Variants in PPFIBP2 observed in about 807,000 individuals in gnomAD.
PPFIBP2 encodes the protein PPFIB scaffold protein 2.
In PPFIBP2, 118 loss-of-function variants were observed where a neutral mutation model predicts 118.3. The observed-to-expected ratio is 1.00, with a 90% CI of 0.86 to 1.16. The LOEUF is 1.16. Ranked by LOEUF, PPFIBP2 falls within the 50% of genes most tolerant of loss-of-function variation. PPFIBP2 has a pLI of 0.00. For missense variants in PPFIBP2, 1,195 were observed against 1,073.1 expected (o/e 1.11, Z -1.59); for synonymous variants, 414 against 397.4 (o/e 1.04, Z -0.50).
At chr11:7,629,187 AC>A (rs1219671076) in intron 9 of PPFIBP2, among the ~76,000 whole-genome samples, 4 of 152,118 alleles carry the variant, frequency 2.6e-5, no homozygotes, top group African/African-American at 7.2e-5. Flanking sequence ...AGGTAGGGAG[AC>A]AGTGAGTTTC....
intron 1 of PPFIBP2, among the ~76,000 whole-genome samples, chr11:7,520,836 C>T (rs1283232879): frequency 6.6e-6 from 1 of 152,188 alleles, no homozygotes; most frequent in African/African-American, 2.4e-5. Flanking sequence ...TGCTTGATGG[C>T]ACCTATGTGT....
downstream of PPFIBP2, chr11:7,655,390 G>A (rs1854585752): frequency 7.9e-7 from 1 of 1,269,540 alleles, no homozygotes; most frequent in Non-Finnish European, 1.0e-6. Flanking sequence ...TGAATCACAA[G>A]CTGCATCCAT....
intron 15 of PPFIBP2, 132 bp from the exon 16 acceptor site, chr11:7,641,347 G>T: frequency 1.0e-6 from 1 of 1,001,170 alleles, no homozygotes; most frequent in Non-Finnish European, 1.5e-6. Flanking sequence ...TCTTGGTATG[G>T]AGTTCTGCCC....
chr11:7,578,752 C>T (rs1212942600), intron 3 of PPFIBP2, among the ~76,000 whole-genome samples: 1 of 152,140 alleles, frequency 6.6e-6, no homozygotes, highest in Non-Finnish European at 1.5e-5. Context: ...GGAAATTATA[C>T]TTCGCTGAAA....
At chr11:7,566,238 G>A (rs919510962) in intron 3 of PPFIBP2, among the ~76,000 whole-genome samples, 3 of 152,116 alleles carry the variant, frequency 2.0e-5, no homozygotes, top group Non-Finnish European at 4.4e-5. Flanking sequence ...CATTTCTTTG[G>A]TAAAAAGGCT....
At chr11:7,577,320 C>CGT (rs148907232) in intron 3 of PPFIBP2, 29 of 219,790 alleles carry the variant, frequency 1.3e-4, no homozygotes, top group African/African-American at 3.7e-4. Flanking sequence ...CATGTATGTG[C>CGT]GTGTGTGTGT....
At chr11:7,586,616 A>C (rs1030424440) in intron 3 of PPFIBP2, among the ~76,000 whole-genome samples, 5 of 152,194 alleles carry the variant, frequency 3.3e-5, no homozygotes, top group Non-Finnish European at 7.4e-5. Flanking sequence ...AAAGCCTGAG[A>C]TGAGGTAACC....
chr11:7,515,323 C>T (rs2134206590), intron 1 of PPFIBP2, among the ~76,000 whole-genome samples: 1 of 152,296 alleles, frequency 6.6e-6, no homozygotes, highest in East Asian at 1.9e-4. Context: ...GGTGATGTGA[C>T]AGTTGTTAGC....
At chr11:7,592,248 G>C (rs2135231710) in intron 3 of PPFIBP2, among the ~76,000 whole-genome samples, 1 of 152,214 alleles carries the variant, frequency 6.6e-6, no homozygotes. Context: ...GGCCAGCTTG[G>C]TGACATTAGC....
chr11:7,626,626 T>A (rs921908502), intron 8 of PPFIBP2, among the ~76,000 whole-genome samples: 3 of 152,222 alleles, frequency 2.0e-5, no homozygotes, highest in African/African-American at 7.2e-5. Flanking sequence ...TGGTGAATGG[T>A]CCCTGAGGAG....
chr11:7,606,807 A>G (rs927844096), intron 5 of PPFIBP2, among the ~76,000 whole-genome samples: 25 of 151,678 alleles, frequency 1.6e-4, no homozygotes, highest in Admixed American at 1.6e-3. Flanking sequence ...TTAGCTTTCA[A>G]AAGAGATACA....
Position 7,653,149 on chromosome 11 carries a change from C to A in PPFIBP2, c.2562C>A (p.Gly854=), listed in dbSNP as rs1383016936. 1.2e-6 allele frequency: 2 copies of A among 1,614,250 alleles called. No individual in the cohort carries two copies. Among genetic ancestry groups the A allele is most frequent in the South Asian group, 1.1e-5 (1 of 91,086 alleles). ...GTGATAGTCACAGGGTCTACAGTGG[C>A]TACCGGGGCCTCAGCCCCCTTGATG... ...GVSDSHRVYS[G]YRGLSPLDAP... Residue 854 remains glycine (G), a synonymous_variant, in exon 24 of 24, where the codon GGC becomes GGA. Transcript: ENST00000299492.
intron 2 of PPFIBP2, 102 bp from the exon 3 acceptor site, chr11:7,565,451 A>G: frequency 8.2e-7 from 1 of 1,221,570 alleles, no homozygotes; most frequent in African/African-American, 1.5e-5. Context: ...CCAGCTTCTT[A>G]TCTGTCCCTT....
intron 3 of PPFIBP2, 131 bp from the exon 4 acceptor site, chr11:7,593,001 G>T: frequency 7.5e-7 from 1 of 1,326,990 alleles, no homozygotes; most frequent in South Asian, 1.6e-5. Context: ...TTCCTGTTTT[G>T]ATGATTGGTT....
chr11:7,631,046 A>G lies in PPFIBP2; in HGVS notation c.1068+18A>G, dbSNP rs1431529775. 5.6e-6 allele frequency: 9 copies of G among 1,595,546 alleles called. No homozygotes were observed. The highest frequency in any genetic ancestry group is 2.2e-5 in the East Asian group (1 of 44,782). On this transcript the variant is annotated intron_variant, in intron 11 of 23. Transcript: ENST00000299492. Reference sequence around the variant, plus strand: ...AACAAGAGGTACTGTGTTTCCATCCATGACGTAGGGTTTCAGCAGGTCCTC... The same window carrying G: ...AACAAGAGGTACTGTGTTTCCATCCGTGACGTAGGGTTTCAGCAGGTCCTC...
chr11:7,656,609 T>G (rs79804115), downstream of PPFIBP2: 1 of 561,802 alleles, frequency 1.8e-6, no homozygotes, highest in Admixed American at 2.5e-5. Context: ...TATAAACTTA[T>G]AGTGCACCTG....
At chr11:7,627,992 G>A (rs1850246813) in intron 8 of PPFIBP2, among the ~76,000 whole-genome samples, 1 of 152,210 alleles carries the variant, frequency 6.6e-6, no homozygotes, top group South Asian at 2.1e-4. Context: ...CTTAGGAGAT[G>A]TTGGTTTTGA....
chr11:7,666,626 A>G, the PPFIBP2 span: 1 of 1,087,512 alleles, frequency 9.2e-7, no homozygotes, highest in Non-Finnish European at 1.4e-6. Flanking sequence ...ACCGGTCAGC[A>G]TACTCCTGGC....
downstream of PPFIBP2, among the ~76,000 whole-genome samples, chr11:7,655,782 G>GC (rs1166666758): frequency 5.9e-5 from 9 of 151,530 alleles, no homozygotes; most frequent in African/African-American, 2.2e-4. Flanking sequence ...CTCTTCCCAG[G>GC]CTTAGAGATG....
Sources: allele counts gnomAD v4.1 joint callset (sites outside exome capture counted in the v4.1 genomes callset), GRCh38; gene constraint gnomAD v4.1.1; transcripts MANE v1.5; gene names NCBI Gene and HGNC (gene_info 2026-07-23, HGNC 2026-07-21).